ORC5: variants seen among roughly 807,000 people sequenced by gnomAD.
ORC5 encodes protein phosphatase 1, regulatory subunit 117.
In ORC5, 39 loss-of-function variants were observed where a neutral mutation model predicts 58.8. The observed-to-expected ratio is 0.66, with a 90% CI of 0.51 to 0.87. The LOEUF is 0.87. ORC5 is among the 40% of genes least tolerant of loss of function. The probability of loss-of-function intolerance (pLI) is 0.00; values close to 1 mark genes in which losing one functional copy is unlikely to be tolerated. For missense variants in ORC5, 493 were observed against 506.3 expected, an observed-to-expected ratio of 0.97 and a Z score of 0.25; for synonymous variants, 218 against 177.6, an observed-to-expected ratio of 1.23 and a Z score of -1.81.
intron 5 of ORC5, among the ~76,000 whole-genome samples, chr7:104,188,769 G>A (rs909446409): frequency 1.3e-5 from 2 of 152,108 alleles, no homozygotes; most frequent in Non-Finnish European, 2.9e-5. Context: ...TTTCAGTGGA[G>A]GAGGGGCCTC....
At chr7:104,163,900 G>A (rs570543234) in intron 11 of ORC5, among the ~76,000 whole-genome samples, 3 of 152,212 alleles carry the variant, frequency 2.0e-5, no homozygotes, top group South Asian at 4.1e-4. Context: ...GCAGACTCTC[G>A]CTCTTCTACA....
chr7:104,188,217 C>CACAT (rs34389841), intron 6 of ORC5, 34 bp downstream of exon 6: 115,208 of 1,134,834 alleles, frequency 0.1, 2,772 homozygotes, highest in South Asian at 0.13. Context: ...CACACACACA[C>CACAT]ATATATATAT....
intron 3 of ORC5, among the ~76,000 whole-genome samples, chr7:104,200,508 C>G (rs1292668472): frequency 6.6e-6 from 1 of 152,198 alleles, no homozygotes; most frequent in African/African-American, 2.4e-5. Flanking sequence ...TGGACACACA[C>G]AGTCAATATT....
At chr7:104,155,342 T>C (rs1798907094) in intron 12 of ORC5, among the ~76,000 whole-genome samples, 1 of 151,702 alleles carries the variant, frequency 6.6e-6, no homozygotes, top group African/African-American at 2.4e-5. Flanking sequence ...TTTTATTATG[T>C]ACAACTAAGT....
intron 6 of ORC5, among the ~76,000 whole-genome samples, chr7:104,185,406 T>C (rs58837307): frequency 0.045 from 6,779 of 152,248 alleles, 500 homozygotes; most frequent in African/African-American, 0.15. Context: ...TTAGGTTATA[T>C]TTATGTCACA....
chr7:104,193,793 T>C (rs1252647223), intron 5 of ORC5, among the ~76,000 whole-genome samples: 2 of 151,716 alleles, frequency 1.3e-5, no homozygotes, highest in Admixed American at 1.3e-4. Context: ...GGCTCCATTA[T>C]TATATACTTT....
intron 12 of ORC5, among the ~76,000 whole-genome samples, chr7:104,158,501 C>T (rs1798966566): frequency 1.3e-5 from 2 of 151,774 alleles, no homozygotes; most frequent in African/African-American, 4.9e-5. Flanking sequence ...TAAAGAGCTT[C>T]TGCACAGCAA....
intron 6 of ORC5, among the ~76,000 whole-genome samples, chr7:104,185,324 T>C (rs1298444911): frequency 1.3e-5 from 2 of 152,166 alleles, no homozygotes; most frequent in East Asian, 1.9e-4. Flanking sequence ...GTTTGTTTTA[T>C]AGATTCAAAT....
rs542656301 is a variant in ORC5 at position 104,191,571 on chromosome 7, A to G, written c.554-3190T>C. 8.4e-4 allele frequency among the ~76,000 whole-genome samples: 128 copies of G among 152,204 alleles called. 1 individual carries two copies. Among genetic ancestry groups the G allele is most frequent in the African/African-American group, 2.9e-3 (120 of 41,534 alleles). ...TCACCGGCCGATTTCAGCCCTGATG[A>G]AAGTCTTATAAGAATAGGAATCCTC... On this transcript the variant is annotated intron_variant, in intron 5 of 13. Coordinates refer to ENST00000297431, the MANE Select transcript of ORC5 (RefSeq NM_002553.4).
At chr7:104,171,247 A>G (rs1446711152) in intron 8 of ORC5, among the ~76,000 whole-genome samples, 1 of 152,216 alleles carries the variant, frequency 6.6e-6, no homozygotes. Context: ...TTCATCAACT[A>G]AACTGTTTTA....
In ORC5 at chr7:104,138,553, A is replaced by G. The variant is rs980156777; in HGVS notation, c.1150-1660T>C. Among the ~76,000 whole-genome samples, 16 of 150,778 alleles carry G rather than the reference A, an allele frequency of 1.1e-4. No individual in the cohort carries two copies. Among genetic ancestry groups the G allele is most frequent in the Middle Eastern group, 3.4e-3 (1 of 294 alleles). On this transcript the variant is annotated intron_variant, in intron 12 of 13. Coordinates refer to ENST00000297431, the MANE Select transcript of ORC5 (RefSeq NM_002553.4). This position sits in a 1 kb window ranked among gnomAD's most constrained non-coding sequence, Gnocchi z 4.7. ...GAGGCAGGGTCTCACTCCATTATCC[A>G]TGCTGGATTGCAGTGGCGCAATCAT... is the stretch of plus-strand genomic sequence containing the variant.
In ORC5 at chr7:104,198,800, C is replaced by T. The variant is rs554498632; in HGVS notation, c.367-1001G>A. Reference sequence around the variant, plus strand: ...GGGGAAAATGTCTCCAAGGTCTTCACGTGGCAGCCCATCCCATTACAGGCC... The same window carrying T: ...GGGGAAAATGTCTCCAAGGTCTTCATGTGGCAGCCCATCCCATTACAGGCC... On this transcript the variant is annotated intron_variant, in intron 3 of 13. Transcript: ENST00000297431. Among the ~76,000 whole-genome samples the T allele has an allele frequency of 7.9e-5, 12 of 152,318 alleles. No homozygotes were observed. The South Asian group carries it at 1.9e-3, about 24-fold the overall frequency.
At chr7:104,156,415 T>A (rs1027850699) in intron 12 of ORC5, among the ~76,000 whole-genome samples, 14 of 151,852 alleles carry the variant, frequency 9.2e-5, no homozygotes, top group African/African-American at 3.1e-4. Context: ...CCAACTACAA[T>A]ACAATATTGC....
In ORC5 at chr7:104,207,984, C is replaced by G; in HGVS notation, c.-80G>C. ...AAGACGGAGCCTCTCCCGAGTCTGG[C>G]GGCCCACGCTCCCGCCGGAAACCGG... is the stretch of plus-strand genomic sequence containing the variant. On this transcript the variant is annotated 5_prime_UTR_variant, in exon 1 of 14. Coordinates refer to ENST00000297431, the MANE Select transcript of ORC5 (RefSeq NM_002553.4). 7.3e-7 allele frequency: 1 copy of G among 1,366,668 alleles called. No individual in the cohort carries two copies. The highest frequency in any genetic ancestry group is 1.4e-5 in the African/African-American group (1 of 69,070). 84.7% of individuals were successfully genotyped at this position (1,366,668 alleles called of 1,614,324 possible).
intron 1 of ORC5, among the ~76,000 whole-genome samples, chr7:104,205,486 G>A (rs530098628): frequency 6.6e-6 from 1 of 152,172 alleles, no homozygotes; most frequent in East Asian, 1.9e-4. Flanking sequence ...ATCGATTACA[G>A]CAACAGTCAC....
intron 11 of ORC5, among the ~76,000 whole-genome samples, chr7:104,161,393 T>C (rs80278438): frequency 0.014 from 2,192 of 152,252 alleles, 57 homozygotes; most frequent in South Asian, 0.12. Flanking sequence ...AGAGACAAGG[T>C]CCGCTGTCAC....
intron 13 of ORC5, among the ~76,000 whole-genome samples, chr7:104,128,603 C>T (rs194839): frequency 0.32 from 48,176 of 150,496 alleles, 8,447 homozygotes; most frequent in East Asian, 0.5. Context: ...ATACATGTGC[C>T]ATGCTGGTGT....
intron 6 of ORC5, chr7:104,187,741 A>G: frequency 4.1e-6 from 4 of 967,806 alleles, no homozygotes; most frequent in Non-Finnish European, 4.9e-6. Flanking sequence ...ATTAAAAAGA[A>G]CCATCTATAC....
At chr7:104,153,343 G>A (rs1016653656) in intron 12 of ORC5, among the ~76,000 whole-genome samples, 6 of 152,144 alleles carry the variant, frequency 3.9e-5, no homozygotes, top group African/African-American at 1.4e-4. Flanking sequence ...TGCACCAGTG[G>A]AGACTGAGCA....
Sources: gnomAD v4.1 joint callset for allele counts (sites outside exome capture counted in the v4.1 genomes callset) on GRCh38, gnomAD v4.1.1 for gene constraint, Gnocchi (gnomAD v3.1) non-coding constraint, MANE v1.5 for transcripts, NCBI Gene and HGNC (gene_info 2026-07-23, HGNC 2026-07-21) for gene names.